NELL1: variants seen among roughly 807,000 people sequenced by gnomAD.
The protein encoded by NELL1 is neural EGFL like 1.
NELL1 carries 76 observed loss-of-function variants against 107.4 expected under a neutral mutation model. The ratio of observed to expected loss-of-function variants is 0.71; its 90% CI spans 0.59 to 0.86. The LOEUF (loss-of-function observed/expected upper bound fraction) is 0.86, where lower values mean the gene tolerates loss of function less well. Among genes scored for constraint, NELL1 ranks in the 40% least tolerant of loss-of-function variants. NELL1 has a pLI of 0.00. For missense variants in NELL1, 1,024 were observed against 1,005.5 expected, an observed-to-expected ratio of 1.02 and a Z score of -0.25; for synonymous variants, 353 against 341.2, an observed-to-expected ratio of 1.03 and a Z score of -0.38.
chr11:21,518,762 T>C (rs778227930), intron 15 of NELL1, among the ~76,000 whole-genome samples: 56 of 152,204 alleles, frequency 3.7e-4, no homozygotes, highest in Non-Finnish European at 6.9e-4. Flanking sequence ...AAAGCAAGCC[T>C]AAAACTTAGA....
intron 3 of NELL1, among the ~76,000 whole-genome samples, chr11:20,786,870 T>C (rs530727102): frequency 6.6e-5 from 10 of 151,448 alleles, no homozygotes; most frequent in South Asian, 6.3e-4. Flanking sequence ...TAGCCGGGCA[T>C]GGTGGCGGGC....
At chr11:20,784,117 G>C (rs1032541728) in intron 3 of NELL1, among the ~76,000 whole-genome samples, 1 of 152,164 alleles carries the variant, frequency 6.6e-6, no homozygotes, top group South Asian at 2.1e-4. Flanking sequence ...AAGTTAGTTA[G>C]TTATGTTTAA....
At chr11:20,984,000 TC>T (rs780275882) in intron 12 of NELL1, among the ~76,000 whole-genome samples, 2 of 152,122 alleles carry the variant, frequency 1.3e-5, no homozygotes, top group Non-Finnish European at 2.9e-5. Flanking sequence ...GCAGCATTCT[TC>T]CCCTACTCCT....
intron 12 of NELL1, among the ~76,000 whole-genome samples, chr11:21,112,881 A>T (rs77285156): frequency 0.011 from 1,600 of 152,130 alleles, 26 homozygotes; most frequent in African/African-American, 0.037. Flanking sequence ...TTTTGAAAAC[A>T]ATCTCCAGAA....
intron 3 of NELL1, among the ~76,000 whole-genome samples, chr11:20,788,164 G>T (rs1379652879): frequency 6.6e-6 from 1 of 152,164 alleles, no homozygotes; most frequent in African/African-American, 2.4e-5. Context: ...ATGCTGCTAT[G>T]AACATTTATG....
chr11:21,233,159 G>C (rs145971390), intron 14 of NELL1, among the ~76,000 whole-genome samples: 8 of 152,124 alleles, frequency 5.3e-5, no homozygotes, highest in Non-Finnish European at 5.9e-5. Context: ...CATGTAAGGC[G>C]TCTTTTCTTC....
At chr11:20,718,229 G>C (rs1855298815) in intron 2 of NELL1, among the ~76,000 whole-genome samples, 1 of 152,192 alleles carries the variant, frequency 6.6e-6, no homozygotes, top group African/African-American at 2.4e-5. Flanking sequence ...CAATCCTATA[G>C]TCACAAGCCA....
At chr11:21,105,920 C>G (rs1330128943) in intron 12 of NELL1, among the ~76,000 whole-genome samples, 1 of 123,960 alleles carries the variant, frequency 8.1e-6, no homozygotes, top group Admixed American at 8.3e-5. Flanking sequence ...TCCTTCCCTC[C>G]CTCATTCCCT....
chr11:21,555,548 G>T (rs1164402682), intron 16 of NELL1, among the ~76,000 whole-genome samples: 1 of 151,822 alleles, frequency 6.6e-6, no homozygotes, highest in Non-Finnish European at 1.5e-5. Flanking sequence ...TTAATTAAAA[G>T]AAAGGGGAAG....
At chr11:21,077,507 G>C (rs1033594447) in intron 12 of NELL1, among the ~76,000 whole-genome samples, 19 of 152,040 alleles carry the variant, frequency 1.2e-4, no homozygotes, top group African/African-American at 4.6e-4. Flanking sequence ...CTTTGGGAGG[G>C]CGAGGCAGGT....
At chr11:21,340,561 G>A (rs1408074455) in intron 14 of NELL1, among the ~76,000 whole-genome samples, 2 of 145,456 alleles carry the variant, frequency 1.4e-5, no homozygotes, top group East Asian at 4.2e-4. Flanking sequence ...GATATAATTA[G>A]TTAAGATGAG....
intron 15 of NELL1, among the ~76,000 whole-genome samples, chr11:21,404,008 C>CA (rs1012109998): frequency 1.0e-5 from 1 of 99,550 alleles, no homozygotes; most frequent in Non-Finnish European, 2.2e-5. Context: ...TTCCTGAACC[C>CA]CCCCCCCCGC....
At chr11:21,530,673 A>G (rs1334312445) in intron 15 of NELL1, among the ~76,000 whole-genome samples, 1 of 152,134 alleles carries the variant, frequency 6.6e-6, no homozygotes, top group Non-Finnish European at 1.5e-5. Context: ...CACTTAAAAT[A>G]TCTAAAGATT....
intron 13 of NELL1, among the ~76,000 whole-genome samples, chr11:21,218,268 A>C (rs1296397403): frequency 6.6e-6 from 1 of 152,180 alleles, no homozygotes; most frequent in Non-Finnish European, 1.5e-5. Context: ...TTTGCTTCAA[A>C]TGCCTATCTG....
chr11:21,323,876 T>A (rs1850068272), intron 14 of NELL1, among the ~76,000 whole-genome samples: 1 of 152,010 alleles, frequency 6.6e-6, no homozygotes, highest in African/African-American at 2.4e-5. Context: ...AGAATCAGGG[T>A]TGAGCAAAAA....
intron 5 of NELL1, among the ~76,000 whole-genome samples, chr11:20,891,545 C>T (rs1184039681): frequency 6.6e-6 from 1 of 151,970 alleles, no homozygotes; most frequent in African/African-American, 2.4e-5. Flanking sequence ...GCTAAGTGCC[C>T]CAATTAAAAG....
At chr11:21,380,042 G>T (rs919007129) in intron 15 of NELL1, among the ~76,000 whole-genome samples, 2 of 152,026 alleles carry the variant, frequency 1.3e-5, no homozygotes, top group African/African-American at 4.8e-5. Context: ...AAGGGCATCT[G>T]GGGGGAGAAT....
intron 14 of NELL1, among the ~76,000 whole-genome samples, chr11:21,359,855 T>C (rs934764754): frequency 2.6e-5 from 4 of 152,188 alleles, no homozygotes; most frequent in Non-Finnish European, 5.9e-5. Context: ...CATTTCTAAT[T>C]GAGCTTATTT....
intron 13 of NELL1, among the ~76,000 whole-genome samples, chr11:21,134,395 G>A (rs997612665): frequency 5.9e-5 from 9 of 152,266 alleles, no homozygotes; most frequent in South Asian, 2.1e-4. Flanking sequence ...CATAGAGGAA[G>A]AAAGATCCAA....
Sources: gnomAD v4.1 joint callset for allele counts (sites outside exome capture counted in the v4.1 genomes callset) on GRCh38, gnomAD v4.1.1 for gene constraint, MANE v1.5 for transcripts, NCBI Gene and HGNC (gene_info 2026-07-23, HGNC 2026-07-21) for gene names.